Variants in MARCHF1 observed in about 807,000 individuals in gnomAD.
MARCHF1 encodes membrane associated ring-CH-type finger 1, also known as E3 ubiquitin-protein ligase MARCHF1.
In MARCHF1, 40 loss-of-function variants were observed where a neutral mutation model predicts 54.2. That is an observed-to-expected ratio of 0.74 (90% CI 0.57 to 0.96). The LOEUF (loss-of-function observed/expected upper bound fraction) is 0.96, where lower values mean the gene tolerates loss of function less well. Among genes scored for constraint, MARCHF1 ranks in the 40% least tolerant of loss-of-function variants. The probability of loss-of-function intolerance (pLI) is 0.00; values close to 1 mark genes in which losing one functional copy is unlikely to be tolerated. For missense variants in MARCHF1, 586 were observed against 656.5 expected, an observed-to-expected ratio of 0.89 and a Z score of 1.17; for synonymous variants, 236 against 236.3, an observed-to-expected ratio of 1.00 and a Z score of 0.01.
chr4:164,176,507 C>G (rs761126031), intron 1 of MARCHF1, among the ~76,000 whole-genome samples: 3 of 152,100 alleles, frequency 2.0e-5, no homozygotes, highest in Non-Finnish European at 4.4e-5. Flanking sequence ...AACCCCTTAG[C>G]AATCCTAATA....
chr4:163,559,959 T>C (rs981629062), intron 8 of MARCHF1, among the ~76,000 whole-genome samples: 1 of 152,214 alleles, frequency 6.6e-6, no homozygotes, highest in Non-Finnish European at 1.5e-5. Flanking sequence ...TCAGATTTCT[T>C]TATTTATGTG....
intron 4 of MARCHF1, among the ~76,000 whole-genome samples, chr4:163,701,805 TTGAAATAA>T (rs1431157810): frequency 6.6e-6 from 1 of 151,822 alleles, no homozygotes; most frequent in Non-Finnish European, 1.5e-5. Flanking sequence ...AACATTGTCA[TTGAAATAA>T]TTTACCAATG....
At chr4:164,181,133 G>A (rs1309351313) in intron 1 of MARCHF1, among the ~76,000 whole-genome samples, 5 of 152,032 alleles carry the variant, frequency 3.3e-5, no homozygotes. Context: ...TCCCACTTTA[G>A]CCACCTAAGC....
intron 5 of MARCHF1, among the ~76,000 whole-genome samples, chr4:163,683,981 C>T (rs2111174142): frequency 1.3e-5 from 2 of 152,184 alleles, no homozygotes; most frequent in Admixed American, 6.6e-5. Context: ...GCTCCTTGGG[C>T]ATCTCTCTCT....
chr4:164,039,494 G>GC (rs1754079370), intron 2 of MARCHF1, among the ~76,000 whole-genome samples: 1 of 152,112 alleles, frequency 6.6e-6, no homozygotes, highest in South Asian at 2.1e-4. Flanking sequence ...CAAGGCTCAT[G>GC]CAATTACAGT....
chr4:164,323,057 C>A (rs1376281839), intron 1 of MARCHF1, among the ~76,000 whole-genome samples: 1 of 151,882 alleles, frequency 6.6e-6, no homozygotes, highest in African/African-American at 2.4e-5. Flanking sequence ...TAGAACTTCA[C>A]TTTTCTCCAT....
intron 1 of MARCHF1, among the ~76,000 whole-genome samples, chr4:164,358,417 G>T (rs1730625822): frequency 6.6e-6 from 1 of 152,116 alleles, no homozygotes; most frequent in South Asian, 2.1e-4. Flanking sequence ...AGAATTATAA[G>T]ATAGAAGAAA....
chr4:164,352,567 A>T (rs1392663330), intron 1 of MARCHF1, among the ~76,000 whole-genome samples: 1 of 147,672 alleles, frequency 6.8e-6, no homozygotes. Context: ...ATGCTGAGAG[A>T]TTTTGTCACC....
chr4:164,213,574 T>C (rs564451445), intron 1 of MARCHF1, among the ~76,000 whole-genome samples: 1 of 152,118 alleles, frequency 6.6e-6, no homozygotes, highest in African/African-American at 2.4e-5. Flanking sequence ...ACACATTGAC[T>C]ACAGACAACA....
intron 1 of MARCHF1, among the ~76,000 whole-genome samples, chr4:164,379,133 T>C (rs1340006129): frequency 6.6e-6 from 1 of 152,166 alleles, no homozygotes; most frequent in Non-Finnish European, 1.5e-5. Context: ...TTGATTAATA[T>C]GCTCCAAGTC....
rs76641826 is a variant in MARCHF1 at position 164,115,093 on chromosome 4, G to A, written c.-322-3431C>T. On this transcript the variant is annotated intron_variant, in intron 1 of 9. Coordinates refer to ENST00000514618, the MANE Select transcript of MARCHF1 (RefSeq NM_001394959.1). ...GTTTAAATTTACAAAAGACAGACAA[G>A]GAAGGAAGTTTGAGGGTGGTTATTT... 8.5e-3 allele frequency among the ~76,000 whole-genome samples: 1,297 copies of A among 152,030 alleles called. 11 individuals are homozygous for A. The highest frequency in any genetic ancestry group is 0.043 in the East Asian group (225 of 5,178).
chr4:164,121,213 T>C (rs1579551856), intron 1 of MARCHF1, among the ~76,000 whole-genome samples: 1 of 151,952 alleles, frequency 6.6e-6, no homozygotes, highest in Non-Finnish European at 1.5e-5. Flanking sequence ...AATTGGAAAA[T>C]CTAGAAGAAA....
chr4:163,905,601 C>A (rs571658709), intron 3 of MARCHF1, among the ~76,000 whole-genome samples: 52 of 152,200 alleles, frequency 3.4e-4, no homozygotes, highest in Non-Finnish European at 7.1e-4. Flanking sequence ...ATGAAAAGTC[C>A]AAGGATCCAA....
At position 163,676,185 on chromosome 4, in the gene MARCHF1, CAAAAAAA is replaced by C. The variant is rs869219643; in HGVS notation, c.162+24621_162+24627del. Among the ~76,000 whole-genome samples, 254 of 89,246 alleles carry C rather than the reference CAAAAAAA, an allele frequency of 2.8e-3. 1 individual carries two copies. Among genetic ancestry groups the C allele is most frequent in the African/African-American group, 0.011 (239 of 21,960 alleles). 58.5% of individuals were successfully genotyped at this position (89,246 alleles called of 152,430 possible). A position where few individuals can be genotyped will look rare whatever the true frequency, so the allele number is the denominator to read the frequency against. On this transcript the variant is annotated intron_variant, in intron 5 of 9. Transcript: ENST00000514618. ...TGTAACCCCATCTCTACTAAAAATA[CAAAAAAA>C]AAAAAAAAAAAAAAATTAGCTGGGC...
At chr4:163,979,355 A>AT (rs374299104) in intron 3 of MARCHF1, among the ~76,000 whole-genome samples, 1 of 146,670 alleles carries the variant, frequency 6.8e-6, no homozygotes, top group Non-Finnish European at 1.5e-5. Context: ...TGAACTCATC[A>AT]TTTTTTTATG....
chr4:163,793,446 C>A (rs906983186), intron 4 of MARCHF1, among the ~76,000 whole-genome samples: 2 of 152,134 alleles, frequency 1.3e-5, no homozygotes, highest in South Asian at 2.1e-4. Flanking sequence ...CCTTACCCTC[C>A]CTTGAAACAC....
At chr4:163,611,544 T>A (rs1241980075) in intron 7 of MARCHF1, among the ~76,000 whole-genome samples, 8 of 152,154 alleles carry the variant, frequency 5.3e-5, no homozygotes, top group African/African-American at 1.9e-4. Context: ...TTTTTTTGTT[T>A]GAAATTGTCT....
intron 2 of MARCHF1, among the ~76,000 whole-genome samples, chr4:164,101,189 G>C (rs1335149661): frequency 6.6e-6 from 1 of 152,222 alleles, no homozygotes; most frequent in Non-Finnish European, 1.5e-5. Context: ...CCGGGGGAGG[G>C]GCACCCGCCA....
chr4:163,632,504 G>A (rs1481587675), intron 5 of MARCHF1, among the ~76,000 whole-genome samples: 2 of 152,164 alleles, frequency 1.3e-5, no homozygotes, highest in Non-Finnish European at 2.9e-5. Context: ...CTGGAAAATC[G>A]GGTCACTCCC....
Sources: gnomAD v4.1 joint callset for allele counts (sites outside exome capture counted in the v4.1 genomes callset) on GRCh38, gnomAD v4.1.1 for gene constraint, MANE v1.5 for transcripts, NCBI Gene and HGNC (gene_info 2026-07-23, HGNC 2026-07-21) for gene names.